Variants in GALNTL6 observed in about 807,000 individuals in gnomAD.
The protein encoded by GALNTL6 is polypeptide N-acetylgalactosaminyltransferase like 6.
In GALNTL6, 46 loss-of-function variants were observed where a neutral mutation model predicts 73.7. The observed-to-expected ratio is 0.62, with a 90% CI of 0.49 to 0.80. The LOEUF is 0.80. Among genes scored for constraint, GALNTL6 ranks in the 30% least tolerant of loss-of-function variants. The pLI is 0.00. For missense variants in GALNTL6, 604 were observed against 755.0 expected (o/e 0.80, Z 2.34); for synonymous variants, 259 against 263.7 (o/e 0.98, Z 0.17).
intron 12 of GALNTL6, among the ~76,000 whole-genome samples, chr4:173,031,023 A>AGG (rs1279664803): frequency 6.6e-6 from 1 of 151,058 alleles, no homozygotes; most frequent in Non-Finnish European, 1.5e-5. Flanking sequence ...AAAGAGAGAG[A>AGG]GAGAGAGAGA....
At position 171,845,557 on chromosome 4, in the gene GALNTL6, C is replaced by T. The variant is rs1243780059; in HGVS notation, c.138+30839C>T. Reference sequence around the variant, plus strand: ...CTAAGTCTTGTTCTTACTAATGGAACGTGAGCATAAGTCATATATCTCATT... The same window carrying T: ...CTAAGTCTTGTTCTTACTAATGGAATGTGAGCATAAGTCATATATCTCATT... On this transcript the variant is annotated intron_variant, in intron 2 of 12. Transcript: ENST00000506823. Among the ~76,000 whole-genome samples the T allele has an allele frequency of 3.3e-5, 5 of 152,084 alleles. No individual in the cohort carries two copies. In the South Asian group the frequency reaches 6.2e-4, roughly 19 times the overall value.
intron 5 of GALNTL6, among the ~76,000 whole-genome samples, chr4:172,408,851 C>A (rs1744330589): frequency 6.6e-6 from 1 of 151,990 alleles, no homozygotes; most frequent in Non-Finnish European, 1.5e-5. Flanking sequence ...AACAGTTTCT[C>A]TCATCCAGAA....
chr4:172,168,650 G>T (rs774668070), intron 2 of GALNTL6, among the ~76,000 whole-genome samples: 1 of 151,916 alleles, frequency 6.6e-6, no homozygotes, highest in Non-Finnish European at 1.5e-5. Flanking sequence ...GATGAAGCTG[G>T]TGATGGTGAT....
chr4:172,541,257 C>T (rs562518311), intron 5 of GALNTL6, among the ~76,000 whole-genome samples: 3 of 152,044 alleles, frequency 2.0e-5, no homozygotes, highest in African/African-American at 4.8e-5. Context: ...TAATTTGGTA[C>T]CTTAATGCCA....
chr4:171,877,297 C>G (rs947927666), intron 2 of GALNTL6, among the ~76,000 whole-genome samples: 2 of 152,072 alleles, frequency 1.3e-5, no homozygotes, highest in African/African-American at 4.8e-5. Flanking sequence ...TCTTTTCAGT[C>G]TTTTTTCTAC....
At chr4:172,987,936 T>C (rs1751363679) in intron 10 of GALNTL6, among the ~76,000 whole-genome samples, 1 of 152,194 alleles carries the variant, frequency 6.6e-6, no homozygotes, top group South Asian at 2.1e-4. Context: ...TAAACCTCTT[T>C]TCTAATAAAT....
intron 2 of GALNTL6, among the ~76,000 whole-genome samples, chr4:172,178,658 T>C (rs1369744449): frequency 1.3e-5 from 2 of 149,250 alleles, no homozygotes; most frequent in East Asian, 2.0e-4. Context: ...TTTTCTTTTT[T>C]TTTTTTTTTA....
chr4:171,907,657 A>C (rs915976030), intron 2 of GALNTL6, among the ~76,000 whole-genome samples: 1 of 151,718 alleles, frequency 6.6e-6, no homozygotes, highest in Non-Finnish European at 1.5e-5. Flanking sequence ...TAAAGTTCAT[A>C]TGGAACCAAA....
At chr4:171,838,014 A>G (rs2110837581) in intron 2 of GALNTL6, among the ~76,000 whole-genome samples, 1 of 152,050 alleles carries the variant, frequency 6.6e-6, no homozygotes, top group South Asian at 2.1e-4. Flanking sequence ...TTTCTTAATT[A>G]ACATTTGTGC....
intron 2 of GALNTL6, among the ~76,000 whole-genome samples, chr4:172,031,116 C>T (rs1246248408): frequency 6.6e-6 from 1 of 152,062 alleles, no homozygotes; most frequent in Admixed American, 6.6e-5. Flanking sequence ...TTTATGATCC[C>T]AGCCATGTAT....
intron 5 of GALNTL6, among the ~76,000 whole-genome samples, chr4:172,768,331 G>A (rs889417832): frequency 6.6e-6 from 1 of 152,158 alleles, no homozygotes; most frequent in Non-Finnish European, 1.5e-5. Context: ...AGTAGGTAAA[G>A]TACAAATCAA....
At chr4:172,626,053 T>C (rs1374193766) in intron 5 of GALNTL6, among the ~76,000 whole-genome samples, 1 of 152,138 alleles carries the variant, frequency 6.6e-6, no homozygotes, top group African/African-American at 2.4e-5. Context: ...TTAGTTTTTG[T>C]TGGAATTGCT....
intron 2 of GALNTL6, among the ~76,000 whole-genome samples, chr4:171,979,783 C>T (rs530180571): frequency 5.3e-5 from 8 of 151,922 alleles, no homozygotes; most frequent in African/African-American, 1.9e-4. Flanking sequence ...GCCAAGCTTC[C>T]CTCTGGCAAG....
intron 3 of GALNTL6, among the ~76,000 whole-genome samples, chr4:172,238,922 G>A (rs993312703): frequency 2.0e-5 from 3 of 152,038 alleles, no homozygotes; most frequent in Non-Finnish European, 2.9e-5. Context: ...TGCATATGTT[G>A]AACCAACCTT....
intron 7 of GALNTL6, among the ~76,000 whole-genome samples, chr4:172,872,758 T>A (rs1460519800): frequency 6.6e-6 from 1 of 152,240 alleles, no homozygotes; most frequent in Non-Finnish European, 1.5e-5. Flanking sequence ...TAATGTTAGC[T>A]TGATCTTTTC....
chr4:172,658,149 C>CAAAGAAAA (rs1731158767), intron 5 of GALNTL6, among the ~76,000 whole-genome samples: 1 of 5,012 alleles, frequency 2.0e-4, no homozygotes. Context: ...GACTCCGTCT[C>CAAAGAAAA]AAAAAAAAAA....
intron 7 of GALNTL6, among the ~76,000 whole-genome samples, chr4:172,825,497 T>C (rs527432022): frequency 1.3e-5 from 2 of 152,202 alleles, no homozygotes; most frequent in South Asian, 4.1e-4. Flanking sequence ...GGGAACTAGG[T>C]TGGAAGCCCC....
chr4:172,403,250 T>C (rs994750511), intron 5 of GALNTL6, among the ~76,000 whole-genome samples: 4 of 152,018 alleles, frequency 2.6e-5, no homozygotes, highest in African/African-American at 9.7e-5. Context: ...TAGAATGGGA[T>C]CTTTTTGTCC....
At chr4:172,572,918 C>A (rs1440356611) in intron 5 of GALNTL6, among the ~76,000 whole-genome samples, 1 of 152,018 alleles carries the variant, frequency 6.6e-6, no homozygotes, top group African/African-American at 2.4e-5. Context: ...TTCATGCTAA[C>A]CCTGGTTAAA....
Sources: allele counts gnomAD v4.1 joint callset (sites outside exome capture counted in the v4.1 genomes callset), GRCh38; gene constraint gnomAD v4.1.1; transcripts MANE v1.5; gene names NCBI Gene and HGNC (gene_info 2026-07-23, HGNC 2026-07-21).